Variants in PI4KA observed in about 807,000 individuals in gnomAD.
The protein encoded by PI4KA is phosphatidylinositol 4-kinase alpha, also known as PI4-kinase alpha.
Under a neutral mutation model 271.4 loss-of-function variants are expected in PI4KA, and 122 were observed. The observed-to-expected ratio is 0.45, with a 90% confidence interval of 0.39 to 0.52. PI4KA has a LOEUF of 0.52. Ranked by LOEUF, PI4KA falls within the 20% of genes least tolerant of loss-of-function variation. The pLI is 0.00. For synonymous variants in PI4KA, 1,041 were observed against 1,078.8 expected (o/e 0.96, Z 0.69); for missense variants, 1,969 against 2,769.1 (o/e 0.71, Z 6.48).
intron 1 of PI4KA, among the ~76,000 whole-genome samples, chr22:20,857,876 G>A (rs962062645): frequency 6.6e-5 from 10 of 152,270 alleles, no homozygotes; most frequent in Admixed American, 5.2e-4. Flanking sequence ...CCAAGATGAG[G>A]ATTGCTCTGG....
At chr22:20,837,339 T>G (rs1051398024) in intron 2 of PI4KA, among the ~76,000 whole-genome samples, 6 of 152,136 alleles carry the variant, frequency 3.9e-5, no homozygotes, top group Admixed American at 1.3e-4. Context: ...ACTGTGCCAC[T>G]GCACTCCAGC....
chr22:20,787,387 TC>T, intron 19 of PI4KA: 1 of 390,858 alleles, frequency 2.6e-6, no homozygotes, highest in Admixed American at 3.7e-5. Context: ...GGTGACCCCA[TC>T]CTTGCACACC....
intron 19 of PI4KA, among the ~76,000 whole-genome samples, chr22:20,770,579 G>GAC (rs528696021): frequency 0.036 from 3,494 of 95,960 alleles, 88 homozygotes; most frequent in East Asian, 0.098. Context: ...GCTGGACACG[G>GAC]ACACACACAC....
intron 17 of PI4KA, 31 bp downstream of exon 17, chr22:20,798,553 T>A (rs765654226): frequency 8.0e-7 from 1 of 1,242,944 alleles, no homozygotes; most frequent in South Asian, 1.2e-5. Context: ...AATACTGTCA[T>A]GATAAAAAAG....
At chr22:20,738,884 T>G (rs1167919000) in intron 32 of PI4KA, among the ~76,000 whole-genome samples, 1 of 149,338 alleles carries the variant, frequency 6.7e-6, no homozygotes, top group African/African-American at 2.5e-5. Flanking sequence ...AGCTATTGAG[T>G]AGGAGGAGGA....
At chr22:20,844,045 C>T (rs780938814) in intron 1 of PI4KA, among the ~76,000 whole-genome samples, 1 of 152,194 alleles carries the variant, frequency 6.6e-6, no homozygotes, top group Non-Finnish European at 1.5e-5. Flanking sequence ...TGTCTCAAAA[C>T]TCTCAAACAT....
rs531527599 is a variant in PI4KA at position 20,806,394 on chromosome 22, G to A, written c.1168+968C>T. Among the ~76,000 whole-genome samples the A allele has an allele frequency of 2.6e-5, 4 of 152,310 alleles. No homozygotes were observed. The East Asian group carries it at 7.8e-4, about 30-fold the overall frequency. On this transcript the variant is annotated intron_variant, in intron 10 of 54. Transcript: ENST00000255882. ...CTATTAAGCTATTGTCTCAGGTTGG[G>A]TGCAGTGGCTAACACCTGTAATCCC...
At chr22:20,726,583 G>A (rs375974524) in intron 41 of PI4KA, 42 bp from the exon 42 acceptor site, 11 of 1,546,932 alleles carry the variant, frequency 7.1e-6, no homozygotes, top group African/African-American at 2.8e-5. Context: ...TCTGAGAGCA[G>A]AGCCACCCAA....
intron 18 of PI4KA, among the ~76,000 whole-genome samples, chr22:20,793,938 T>A (rs1934809641): frequency 6.6e-6 from 1 of 152,238 alleles, no homozygotes; most frequent in Non-Finnish European, 1.5e-5. Flanking sequence ...CTGAAGACCT[T>A]GAGCATACAC....
At chr22:20,782,259 G>A (rs1192402127) in intron 19 of PI4KA, among the ~76,000 whole-genome samples, 1 of 152,168 alleles carries the variant, frequency 6.6e-6, no homozygotes, top group Non-Finnish European at 1.5e-5. Context: ...TGGAGGTGGA[G>A]AAATGATCAG....
intron 19 of PI4KA, chr22:20,786,886 A>G: frequency 6.2e-7 from 1 of 1,614,178 alleles, no homozygotes; most frequent in Admixed American, 1.7e-5. Context: ...TCAAGCACCA[A>G]GGCACGATCA....
At position 20,707,748 on chromosome 22, in the gene PI4KA, C is replaced by A; in HGVS notation, c.*299G>T. 1 of 457,716 alleles carries A rather than the reference C, an allele frequency of 2.2e-6. No homozygotes were observed. The highest frequency in any genetic ancestry group is 4.0e-6 in the Non-Finnish European group (1 of 249,390). The allele number at this position is 457,716 out of a possible 1,614,324, so 28.4% of individuals were successfully genotyped here. A position where few individuals can be genotyped will look rare whatever the true frequency, so the allele number is the denominator to read the frequency against. On this transcript the variant is annotated 3_prime_UTR_variant, in exon 55 of 55. Coordinates refer to ENST00000255882, the MANE Select transcript of PI4KA (RefSeq NM_058004.4). ...TGTTGATGTTGGTTAAATCTTATCT[C>A]TTTTTTTATACACAATACTTCATGT...
At chr22:20,779,725 A>T (rs1405347788) in intron 19 of PI4KA, 1 of 1,614,034 alleles carries the variant, frequency 6.2e-7, no homozygotes, top group African/African-American at 1.3e-5. Context: ...TTCAACCTCT[A>T]CCGAGTGCTG....
At chr22:20,796,689 C>G (rs945483308) in intron 17 of PI4KA, among the ~76,000 whole-genome samples, 1 of 152,250 alleles carries the variant, frequency 6.6e-6, no homozygotes, top group Non-Finnish European at 1.5e-5. Flanking sequence ...TTGCTTCCCC[C>G]CTACAAATCA....
At chr22:20,815,392 A>AC (rs1569065446) in intron 7 of PI4KA, among the ~76,000 whole-genome samples, 1 of 151,100 alleles carries the variant, frequency 6.6e-6, no homozygotes. Context: ...AAAAAAAAAA[A>AC]AAAAAAAACA....
At chr22:20,747,168 G>T (rs1181283540) in intron 29 of PI4KA, among the ~76,000 whole-genome samples, 1 of 152,152 alleles carries the variant, frequency 6.6e-6, no homozygotes, top group African/African-American at 2.4e-5. Flanking sequence ...GAAGCTGAAG[G>T]CATTCATGTG....
chr22:20,788,325 C>T (rs1379761776), intron 19 of PI4KA, among the ~76,000 whole-genome samples: 1 of 152,156 alleles, frequency 6.6e-6, no homozygotes, highest in African/African-American at 2.4e-5. Context: ...GCTTCTGACC[C>T]CATGAGACCA....
intron 10 of PI4KA, among the ~76,000 whole-genome samples, chr22:20,806,355 T>G (rs1181107774): frequency 6.6e-6 from 1 of 151,888 alleles, no homozygotes; most frequent in Non-Finnish European, 1.5e-5. Flanking sequence ...TAAATTGTTG[T>G]GTGTGCATGT....
At chr22:20,747,872 C>G (rs1440545123) in intron 28 of PI4KA, among the ~76,000 whole-genome samples, 170 bp from the exon 29 acceptor site, 1 of 151,350 alleles carries the variant, frequency 6.6e-6, no homozygotes, top group African/African-American at 2.4e-5. Flanking sequence ...GTAGCTGGGA[C>G]TATAGGGGCA....
Sources: allele counts gnomAD v4.1 joint callset (sites outside exome capture counted in the v4.1 genomes callset), GRCh38; gene constraint gnomAD v4.1.1; transcripts MANE v1.5; gene names NCBI Gene and HGNC (gene_info 2026-07-23, HGNC 2026-07-21).